The following MAGI1 variants were observed in gnomAD, a reference collection of about 807,000 sequenced individuals.
MAGI1 encodes membrane-associated guanylate kinase, WW and PDZ domain-containing protein 1.
Under a neutral mutation model 139.9 loss-of-function variants are expected in MAGI1, and 58 were observed. The observed-to-expected ratio is 0.41, with a 90% confidence interval of 0.34 to 0.52. MAGI1 has a LOEUF of 0.52. Among genes scored for constraint, MAGI1 ranks in the 20% least tolerant of loss-of-function variants. The probability of loss-of-function intolerance (pLI) is 0.12; values close to 1 mark genes in which losing one functional copy is unlikely to be tolerated. For synonymous variants in MAGI1, 812 were observed against 737.9 expected (o/e 1.10, Z -1.63); for missense variants, 1,874 against 1,901.6 (o/e 0.99, Z 0.27).
At chr3:65,548,039 T>G (rs1167806556) in intron 2 of MAGI1, among the ~76,000 whole-genome samples, 1 of 152,024 alleles carries the variant, frequency 6.6e-6, no homozygotes, top group Non-Finnish European at 1.5e-5. Context: ...CAAGCAAAGG[T>G]CTCCAATAAC....
At position 66,038,296 on chromosome 3, in the gene MAGI1, T is replaced by A; in HGVS notation, c.13A>T (p.Ile5Phe). 2 of 1,589,518 alleles carry A rather than the reference T, an allele frequency of 1.3e-6. No homozygotes were observed. Among genetic ancestry groups the A allele is most frequent in the Non-Finnish European group, 1.7e-6 (2 of 1,167,072 alleles). ...CTAGTCCAGTGGTTCTTCTTCTGGA[T>A]CACTTTGGACATGATGAGTTACACC... MSKVIQKKNHWTSRV... is the reference protein window; with the variant it reads MSKVFQKKNHWTSRV... Residue 5 changes from isoleucine to phenylalanine, a missense_variant, in exon 1 of 23, where the codon ATC becomes TTC. Coordinates refer to ENST00000402939, the MANE Select transcript of MAGI1 (RefSeq NM_001033057.2).
intron 1 of MAGI1, among the ~76,000 whole-genome samples, chr3:65,748,348 G>A (rs1243313636): frequency 6.6e-6 from 1 of 152,120 alleles, no homozygotes; most frequent in Non-Finnish European, 1.5e-5. Flanking sequence ...TGAGCCACAG[G>A]AATATTCTGA....
At chr3:65,599,435 C>T (rs1364319640) in intron 2 of MAGI1, among the ~76,000 whole-genome samples, 1 of 152,166 alleles carries the variant, frequency 6.6e-6, no homozygotes, top group East Asian at 1.9e-4. Context: ...GACAGCATGT[C>T]TAAGGCCCCT....
intron 2 of MAGI1, among the ~76,000 whole-genome samples, chr3:65,504,951 A>G (rs1438313092): frequency 6.6e-6 from 1 of 152,226 alleles, no homozygotes; most frequent in African/African-American, 2.4e-5. Flanking sequence ...ATTCATTTCA[A>G]ACAGTATTAA....
chr3:65,680,538 C>A (rs1173985548), intron 1 of MAGI1, among the ~76,000 whole-genome samples: 3 of 152,122 alleles, frequency 2.0e-5, no homozygotes, highest in African/African-American at 7.2e-5. Flanking sequence ...CCTCAGTCTC[C>A]TGAGGAGCTG....
chr3:65,977,014 C>G (rs1444022518), intron 1 of MAGI1, among the ~76,000 whole-genome samples: 1 of 152,172 alleles, frequency 6.6e-6, no homozygotes, highest in East Asian at 1.9e-4. Flanking sequence ...TGGAAACCAT[C>G]TCAGCAGGTA....
intron 5 of MAGI1, among the ~76,000 whole-genome samples, chr3:65,455,375 C>A (rs1372187828): frequency 2.6e-5 from 4 of 152,150 alleles, no homozygotes; most frequent in Non-Finnish European, 5.9e-5. Flanking sequence ...TCCCTGGTAA[C>A]TACGAATCTG....
chr3:65,716,086 C>A (rs775915598), intron 1 of MAGI1, among the ~76,000 whole-genome samples: 3 of 152,192 alleles, frequency 2.0e-5, no homozygotes, highest in Non-Finnish European at 4.4e-5. Flanking sequence ...CAAAATTAAA[C>A]CATTCGAGCC....
intron 1 of MAGI1, among the ~76,000 whole-genome samples, chr3:65,958,849 C>A (rs2064263497): frequency 6.6e-6 from 1 of 152,074 alleles, no homozygotes; most frequent in Non-Finnish European, 1.5e-5. Flanking sequence ...TAGCTGGGCA[C>A]AGTGGCGTGT....
chr3:65,539,812 T>C (rs1033007154), intron 2 of MAGI1, among the ~76,000 whole-genome samples: 1 of 152,182 alleles, frequency 6.6e-6, no homozygotes, highest in Non-Finnish European at 1.5e-5. Flanking sequence ...TAATTAACCT[T>C]TCACCACAGT....
At chr3:65,859,500 G>A (rs1001822407) in intron 1 of MAGI1, among the ~76,000 whole-genome samples, 1 of 152,100 alleles carries the variant, frequency 6.6e-6, no homozygotes, top group African/African-American at 2.4e-5. Flanking sequence ...AAGCTGAGGT[G>A]GGTGGATCAC....
At chr3:65,771,059 C>T (rs1349486563) in intron 1 of MAGI1, among the ~76,000 whole-genome samples, 1 of 151,780 alleles carries the variant, frequency 6.6e-6, no homozygotes, top group Non-Finnish European at 1.5e-5. Flanking sequence ...GTAATCCCAG[C>T]GCTTTGGGAG....
chr3:65,948,616 T>C (rs2063652817), intron 1 of MAGI1, among the ~76,000 whole-genome samples: 1 of 152,170 alleles, frequency 6.6e-6, no homozygotes, highest in African/African-American at 2.4e-5. Flanking sequence ...TAAATCCAGG[T>C]TTAAATTTGG....
chr3:65,853,192 G>T (rs984235694), intron 1 of MAGI1, among the ~76,000 whole-genome samples: 1 of 151,964 alleles, frequency 6.6e-6, no homozygotes, highest in African/African-American at 2.4e-5. Flanking sequence ...ATTAATTGTG[G>T]TTTCTACTCT....
At chr3:65,475,659 AT>A (rs1950851806) in intron 4 of MAGI1, among the ~76,000 whole-genome samples, 1 of 152,094 alleles carries the variant, frequency 6.6e-6, no homozygotes, top group Admixed American at 6.5e-5. Context: ...TAGGTCAATA[AT>A]TTGGGCACAA....
intron 1 of MAGI1, among the ~76,000 whole-genome samples, chr3:65,991,266 C>T (rs546871457): frequency 2.2e-4 from 25 of 113,974 alleles, no homozygotes; most frequent in East Asian, 2.8e-4. Context: ...CCAGTCTGGG[C>T]GACAGAGCGA....
chr3:65,806,138 A>C (rs75373586), intron 1 of MAGI1, among the ~76,000 whole-genome samples: 1 of 152,102 alleles, frequency 6.6e-6, no homozygotes, highest in African/African-American at 2.4e-5. Context: ...ATTTTTTTCA[A>C]AAATATAGCT....
intron 18 of MAGI1, among the ~76,000 whole-genome samples, chr3:65,371,616 A>G (rs1011822233): frequency 6.6e-6 from 1 of 152,196 alleles, no homozygotes; most frequent in Non-Finnish European, 1.5e-5. Context: ...TCTCTGCAGC[A>G]TGTTGCTGTT....
intron 1 of MAGI1, among the ~76,000 whole-genome samples, chr3:66,021,834 G>A (rs2067979011): frequency 6.6e-6 from 1 of 152,102 alleles, no homozygotes; most frequent in South Asian, 2.1e-4. Flanking sequence ...ACGCCCCGGT[G>A]ACTATAACTT....
Sources: gnomAD v4.1 joint callset for allele counts (sites outside exome capture counted in the v4.1 genomes callset) on GRCh38, gnomAD v4.1.1 for gene constraint, MANE v1.5 for transcripts, NCBI Gene and HGNC (gene_info 2026-07-23, HGNC 2026-07-21) for gene names.